The following AFF3 variants were observed in gnomAD, a reference collection of about 807,000 sequenced individuals.
AFF3 encodes AF4/FMR2 family member 3.
AFF3 carries 32 observed loss-of-function variants against 129.7 expected under a neutral mutation model. The observed-to-expected ratio is 0.25, with a 90% CI of 0.19 to 0.33. The LOEUF (loss-of-function observed/expected upper bound fraction) is 0.33. AFF3 is among the 10% of genes least tolerant of loss of function. The probability of loss-of-function intolerance (pLI) is 1.00; values close to 1 mark genes in which losing one functional copy is unlikely to be tolerated. For synonymous variants in AFF3, 644 were observed against 635.4 expected (o/e 1.01, Z -0.20); for missense variants, 1,373 against 1,592.0 (o/e 0.86, Z 2.34).
chr2:99,634,081 AT>A (rs1683388952), intron 13 of AFF3, among the ~76,000 whole-genome samples: 2 of 151,614 alleles, frequency 1.3e-5, no homozygotes, highest in African/African-American at 4.8e-5. Context: ...TGCCCAGCTA[AT>A]TTTTGTATTT....
chr2:100,078,832 C>G (rs753130655), intron 4 of AFF3, among the ~76,000 whole-genome samples: 13 of 151,978 alleles, frequency 8.6e-5, no homozygotes, highest in African/African-American at 2.2e-4. Flanking sequence ...GAAAGCATCG[C>G]TATAGATTAC....
chr2:99,556,082 T>C (rs1674889773), intron 22 of AFF3, among the ~76,000 whole-genome samples: 1 of 152,146 alleles, frequency 6.6e-6, no homozygotes, highest in Admixed American at 6.5e-5. Flanking sequence ...ATGCATGTTC[T>C]GGATATAAGA....
intron 4 of AFF3, among the ~76,000 whole-genome samples, chr2:100,077,923 T>C (rs1482318625): frequency 6.6e-6 from 1 of 152,170 alleles, no homozygotes; most frequent in Non-Finnish European, 1.5e-5. Flanking sequence ...TGGACACCAG[T>C]TAATGGGTGA....
chr2:100,086,339 G>A (rs1689428790), intron 4 of AFF3, among the ~76,000 whole-genome samples: 1 of 151,498 alleles, frequency 6.6e-6, no homozygotes, highest in African/African-American at 2.4e-5. Flanking sequence ...TGGCCAACAA[G>A]GTGAAACCCA....
chr2:99,932,946 T>C (rs756845974), intron 7 of AFF3, among the ~76,000 whole-genome samples: 21 of 152,182 alleles, frequency 1.4e-4, no homozygotes, highest in Non-Finnish European at 2.6e-4. Flanking sequence ...GTTTTTTTAA[T>C]TGATGTTAAA....
intron 18 of AFF3, among the ~76,000 whole-genome samples, chr2:99,572,328 G>A (rs1676575160): frequency 1.7e-5 from 2 of 119,892 alleles, no homozygotes; most frequent in Non-Finnish European, 3.2e-5. Context: ...CACGGTCTTG[G>A]TTCTCAGCAG....
chr2:99,835,663 C>A (rs1448731183), intron 8 of AFF3, among the ~76,000 whole-genome samples: 1 of 152,182 alleles, frequency 6.6e-6, no homozygotes. Flanking sequence ...CCTCGTCCAT[C>A]CCACCTCCCC....
chr2:99,982,900 G>T (rs968644997), intron 7 of AFF3, among the ~76,000 whole-genome samples: 1 of 152,118 alleles, frequency 6.6e-6, no homozygotes, highest in Admixed American at 6.5e-5. Context: ...ACTTAGGTTC[G>T]CTCACCTATA....
intron 2 of AFF3, among the ~76,000 whole-genome samples, chr2:100,128,304 G>C (rs900930249): frequency 6.6e-6 from 1 of 152,010 alleles, no homozygotes; most frequent in African/African-American, 2.4e-5. Context: ...TGAGATCCAA[G>C]ACCCCCTCTC....
At chr2:99,967,919 C>A (rs2104395747) in intron 7 of AFF3, among the ~76,000 whole-genome samples, 1 of 152,334 alleles carries the variant, frequency 6.6e-6, no homozygotes, top group Middle Eastern at 3.4e-3. Context: ...CACAATCCAT[C>A]CCTCACACAG....
chr2:100,076,768 G>T lies in AFF3; in HGVS notation c.53+27634C>A, dbSNP rs115316125. On this transcript the variant is annotated intron_variant, in intron 4 of 24. Coordinates refer to ENST00000672756, the MANE Select transcript of AFF3 (RefSeq NM_001386135.1). ...AAAGTCTCTCATTAATTATAAAAAT[G>T]ATTTAATCTGCTGGAAATATTTATT... is the stretch of plus-strand genomic sequence containing the variant. Among the ~76,000 whole-genome samples the T allele has an allele frequency of 5.1e-3, 772 of 152,282 alleles. 9 individuals carry two copies. Among genetic ancestry groups the T allele is most frequent in the African/African-American group, 0.017 (724 of 41,556 alleles).
intron 12 of AFF3, among the ~76,000 whole-genome samples, chr2:99,654,897 C>A (rs1685608764): frequency 6.6e-6 from 1 of 152,102 alleles, no homozygotes; most frequent in East Asian, 1.9e-4. Flanking sequence ...AAATGAATTA[C>A]AAGTCACATT....
chr2:99,681,613 A>T (rs1357796162), intron 11 of AFF3, among the ~76,000 whole-genome samples: 1 of 152,216 alleles, frequency 6.6e-6, no homozygotes, highest in Non-Finnish European at 1.5e-5. Flanking sequence ...GAGAGACCTC[A>T]AAGAGCTCTT....
intron 4 of AFF3, among the ~76,000 whole-genome samples, chr2:100,024,139 G>A (rs1683831657): frequency 6.7e-6 from 1 of 149,454 alleles, no homozygotes; most frequent in African/African-American, 2.5e-5. Context: ...GGCTGAGGCA[G>A]GAGAATGGCG....
At chr2:99,763,449 G>A (rs2105282800) in intron 8 of AFF3, among the ~76,000 whole-genome samples, 1 of 152,300 alleles carries the variant, frequency 6.6e-6, no homozygotes, top group South Asian at 2.1e-4. Flanking sequence ...TTGGGATGCT[G>A]AGGTGGGAGG....
At chr2:100,038,385 A>AG (rs1277085498) in intron 4 of AFF3, among the ~76,000 whole-genome samples, 1 of 151,740 alleles carries the variant, frequency 6.6e-6, no homozygotes, top group Non-Finnish European at 1.5e-5. Flanking sequence ...AAAAAAAAAA[A>AG]GGGCTCATTT....
At position 99,916,832 on chromosome 2, in the gene AFF3, G is replaced by A. The variant is rs564465489; in HGVS notation, c.874-79308C>T. 2.6e-5 allele frequency among the ~76,000 whole-genome samples: 4 copies of A among 152,210 alleles called. No individual in the cohort carries two copies. The East Asian group carries it at 7.8e-4, about 30-fold the overall frequency. On this transcript the variant is annotated intron_variant, in intron 7 of 24. Coordinates refer to ENST00000672756, the MANE Select transcript of AFF3 (RefSeq NM_001386135.1). ...TCAAACTTCACAACAGGGGAAGGCT[G>A]TGACCGAATCTCATCCTCATGAGGC... is the stretch of plus-strand genomic sequence containing the variant.
intron 4 of AFF3, among the ~76,000 whole-genome samples, chr2:100,056,402 T>G (rs561347137): frequency 1.3e-5 from 2 of 152,340 alleles, no homozygotes; most frequent in African/African-American, 4.8e-5. Flanking sequence ...CTCACCCATC[T>G]GTAGTTTCCA....
chr2:99,789,285 G>A (rs1685026813), intron 8 of AFF3, among the ~76,000 whole-genome samples: 1 of 151,674 alleles, frequency 6.6e-6, no homozygotes, highest in African/African-American at 2.4e-5. Context: ...AATTATCTGG[G>A]CATGGCAGTG....
Sources: gnomAD v4.1 joint callset for allele counts (sites outside exome capture counted in the v4.1 genomes callset) on GRCh38, gnomAD v4.1.1 for gene constraint, MANE v1.5 for transcripts, NCBI Gene and HGNC (gene_info 2026-07-23, HGNC 2026-07-21) for gene names.